The following FOXN2 variants were observed in gnomAD, a reference collection of about 807,000 sequenced individuals.
FOXN2 encodes forkhead box N2.
FOXN2 carries 19 observed loss-of-function variants against 41.2 expected under a neutral mutation model. The observed-to-expected ratio is 0.46, with a 90% CI of 0.32 to 0.68. FOXN2 has a LOEUF of 0.68. Among genes scored for constraint, FOXN2 ranks in the 30% least tolerant of loss-of-function variants. FOXN2 has a pLI of 0.03. For synonymous variants in FOXN2, 195 were observed against 176.8 expected, an observed-to-expected ratio of 1.10 and a Z score of -0.82; for missense variants, 587 against 509.4, an observed-to-expected ratio of 1.15 and a Z score of -1.47.
chr2:48,344,840 A>AAC (rs1491540182), intron 2 of FOXN2, among the ~76,000 whole-genome samples: 26 of 129,104 alleles, frequency 2.0e-4, no homozygotes, highest in Non-Finnish European at 3.0e-4. Context: ...CTCTGGAGGT[A>AAC]CCCCCCCCCC....
At chr2:48,364,219 TA>T (rs1451931515) in intron 5 of FOXN2, among the ~76,000 whole-genome samples, 38 of 152,146 alleles carry the variant, frequency 2.5e-4, no homozygotes, top group Non-Finnish European at 1.6e-4. Flanking sequence ...GTTAATATTT[TA>T]TTTTTATTTA....
intron 3 of FOXN2, 114 bp downstream of exon 3, chr2:48,346,865 A>G: frequency 1.3e-6 from 1 of 791,484 alleles, no homozygotes; most frequent in Non-Finnish European, 1.9e-6. Context: ...AAATTACTTC[A>G]GCTGAACTGA....
intron 3 of FOXN2, among the ~76,000 whole-genome samples, chr2:48,353,553 TG>T: frequency 1.7e-3 from 1 of 606 alleles, no homozygotes; most frequent in Non-Finnish European, 9.3e-3. Context: ...CACTTAAGAC[TG>T]TGTGTGTGTG....
chr2:48,346,677 G>T lies in FOXN2; in HGVS notation c.463G>T (p.Gly155Cys). The part of the protein sequence containing the change: ...HFPYFATAPT[G>C]WKNSVRHNLS... ...TCCATATTTTGCTACTGCACCAACA[G>T]GCTGGAAGAATTCTGTTCGACATAA... Residue 155 changes from glycine (G) to cysteine (C), a missense_variant, in exon 3 of 7, where the codon GGC becomes TGC. Physicochemically the swap from Gly to Cys is radical, Grantham distance 159. Transcript: ENST00000340553. 3 of 1,613,004 alleles carry T rather than the reference G, an allele frequency of 1.9e-6. No homozygotes were observed. Among genetic ancestry groups the T allele is most frequent in the Non-Finnish European group, 2.5e-6 (3 of 1,179,724 alleles).
At chr2:48,358,189 A>G (rs1038715994) in intron 3 of FOXN2, among the ~76,000 whole-genome samples, 2 of 151,214 alleles carry the variant, frequency 1.3e-5, no homozygotes, top group Non-Finnish European at 2.9e-5. Flanking sequence ...TTTTTTTTTC[A>G]AAATTCCCTC....
At chr2:48,336,463 ATATT>A (rs555568460) in intron 2 of FOXN2, among the ~76,000 whole-genome samples, 43 of 151,324 alleles carry the variant, frequency 2.8e-4, no homozygotes, top group South Asian at 2.3e-3. Context: ...GTGTGTATAT[ATATT>A]TATTTATTTA....
intron 2 of FOXN2, among the ~76,000 whole-genome samples, chr2:48,337,189 T>C (rs1670422396): frequency 6.6e-6 from 1 of 152,230 alleles, no homozygotes; most frequent in Non-Finnish European, 1.5e-5. Flanking sequence ...TTTTAGATTC[T>C]ATGAATAAGT....
intron 4 of FOXN2, among the ~76,000 whole-genome samples, chr2:48,359,617 C>A (rs907250621): frequency 6.7e-6 from 1 of 149,850 alleles, no homozygotes; most frequent in Non-Finnish European, 1.5e-5. Flanking sequence ...CTTTTCTTTT[C>A]TTTTCTTTTT....
intron 2 of FOXN2, among the ~76,000 whole-genome samples, chr2:48,338,565 C>G (rs1221696942): frequency 6.6e-6 from 1 of 152,024 alleles, no homozygotes. Flanking sequence ...CCAGGCCCAG[C>G]TAATTTTCTG....
chr2:48,315,102 C>T (rs758387080), intron 1 of FOXN2, among the ~76,000 whole-genome samples: 1 of 152,048 alleles, frequency 6.6e-6, no homozygotes, highest in Non-Finnish European at 1.5e-5. Flanking sequence ...AATGACCGCC[C>T]GGGAGGGGCT....
chr2:48,319,638 G>T (rs1669158609), intron 1 of FOXN2, among the ~76,000 whole-genome samples: 1 of 142,244 alleles, frequency 7.0e-6, no homozygotes, highest in Admixed American at 7.1e-5. Flanking sequence ...TTTTGAGACA[G>T]GGTCACACTC....
intron 1 of FOXN2, among the ~76,000 whole-genome samples, chr2:48,316,737 G>C (rs1286550803): frequency 1.3e-5 from 2 of 152,140 alleles, no homozygotes; most frequent in Non-Finnish European, 2.9e-5. Flanking sequence ...GACAATCCTT[G>C]TTTACTAATG....
intron 3 of FOXN2, among the ~76,000 whole-genome samples, chr2:48,352,761 G>C (rs1671534215): frequency 6.6e-6 from 1 of 152,110 alleles, no homozygotes; most frequent in Admixed American, 6.5e-5. Flanking sequence ...AATTTGAAAG[G>C]AATATAGACA....
At chr2:48,371,509 C>G (rs1461734482) in intron 5 of FOXN2, among the ~76,000 whole-genome samples, 1 of 152,004 alleles carries the variant, frequency 6.6e-6, no homozygotes, top group African/African-American at 2.4e-5. Flanking sequence ...TTGGTTACTA[C>G]AGCTTTGTAG....
chr2:48,355,806 T>A (rs779150540), intron 3 of FOXN2, among the ~76,000 whole-genome samples: 1 of 152,200 alleles, frequency 6.6e-6, no homozygotes, highest in Non-Finnish European at 1.5e-5. Context: ...CTGATTAAGA[T>A]GTTTTTCTCC....
intron 1 of FOXN2, among the ~76,000 whole-genome samples, chr2:48,319,267 A>T (rs1669132642): frequency 6.6e-6 from 1 of 152,058 alleles, no homozygotes; most frequent in African/African-American, 2.4e-5. Flanking sequence ...ATGGAAAAAA[A>T]AATGAGACTG....
At chr2:48,374,890 A>AC in intron 6 of FOXN2, 30 bp from the exon 7 acceptor site, 1 of 1,565,526 alleles carries the variant, frequency 6.4e-7, no homozygotes, top group Non-Finnish European at 8.7e-7. Flanking sequence ...AACACATTTG[A>AC]CCTATTGATG....
intron 2 of FOXN2, among the ~76,000 whole-genome samples, chr2:48,334,899 T>C (rs1670234274): frequency 6.6e-6 from 1 of 152,176 alleles, no homozygotes; most frequent in South Asian, 2.1e-4. Flanking sequence ...ATCGAAAAAA[T>C]GTCACTGAAA....
chr2:48,335,763 C>T (rs576410421), intron 2 of FOXN2, among the ~76,000 whole-genome samples: 3 of 152,288 alleles, frequency 2.0e-5, no homozygotes, highest in East Asian at 3.9e-4. Context: ...CACGGTGGCT[C>T]ACGCCTGTAA....
Sources: gnomAD v4.1 joint callset for allele counts (sites outside exome capture counted in the v4.1 genomes callset) on GRCh38, gnomAD v4.1.1 for gene constraint, MANE v1.5 for transcripts, NCBI Gene and HGNC (gene_info 2026-07-23, HGNC 2026-07-21) for gene names.